The following LCLAT1 variants were observed in gnomAD, a reference collection of about 807,000 sequenced individuals.
The protein encoded by LCLAT1 is lysocardiolipin acyltransferase 1.
Under a neutral mutation model 30.7 loss-of-function variants are expected in LCLAT1, and 11 were observed. The observed-to-expected ratio is 0.36, with a 90% CI of 0.23 to 0.59. The LOEUF (loss-of-function observed/expected upper bound fraction) is 0.59, where lower values mean the gene tolerates loss of function less well. LCLAT1 is among the 20% of genes least tolerant of loss of function. The pLI, the probability that LCLAT1 is intolerant of heterozygous loss-of-function variation, is 0.77. For missense variants in LCLAT1, 402 were observed against 458.6 expected (o/e 0.88, Z 1.13); for synonymous variants, 155 against 151.3 (o/e 1.02, Z -0.18).
intron 5 of LCLAT1, among the ~76,000 whole-genome samples, chr2:30,575,662 T>G (rs1208642750): frequency 6.6e-6 from 1 of 152,168 alleles, no homozygotes; most frequent in Non-Finnish European, 1.5e-5. Flanking sequence ...TTTTCTAGAT[T>G]ATGTATACTA....
At chr2:30,574,921 TGAG>T (rs1665930861) in intron 5 of LCLAT1, among the ~76,000 whole-genome samples, 2 of 152,206 alleles carry the variant, frequency 1.3e-5, no homozygotes, top group Non-Finnish European at 2.9e-5. Flanking sequence ...TAGAAAACAA[TGAG>T]GAGTATGTGT....
At chr2:30,610,693 C>G (rs1255251818) in intron 5 of LCLAT1, among the ~76,000 whole-genome samples, 1 of 152,018 alleles carries the variant, frequency 6.6e-6, no homozygotes, top group East Asian at 1.9e-4. Flanking sequence ...AATGTTGGAG[C>G]TTAGAGTTAG....
chr2:30,525,173 T>C (rs829617), intron 1 of LCLAT1, among the ~76,000 whole-genome samples: 129,273 of 152,012 alleles, frequency 0.85, 55,129 homozygotes, highest in East Asian at 0.94. Context: ...GGTGCGATCT[T>C]GGCTCACTGT....
intron 5 of LCLAT1, among the ~76,000 whole-genome samples, chr2:30,623,300 C>T (rs534091589): frequency 5.9e-5 from 9 of 152,068 alleles, no homozygotes; most frequent in Non-Finnish European, 8.8e-5. Context: ...GTGATCCACC[C>T]GCCTTGGCCT....
chr2:30,510,880 T>C (rs1352912077), intron 1 of LCLAT1, among the ~76,000 whole-genome samples: 1 of 152,180 alleles, frequency 6.6e-6, no homozygotes, highest in East Asian at 1.9e-4. Flanking sequence ...AGCTCTTTTA[T>C]TCTCTGGATA....
intron 1 of LCLAT1, among the ~76,000 whole-genome samples, chr2:30,501,901 T>C (rs1023003613): frequency 9.8e-5 from 15 of 152,372 alleles, no homozygotes; most frequent in African/African-American, 3.6e-4. Context: ...TCAAATTTTA[T>C]ACTTTATGTT....
chr2:30,471,826 C>T (rs951845599), intron 1 of LCLAT1, among the ~76,000 whole-genome samples: 1 of 152,058 alleles, frequency 6.6e-6, no homozygotes, highest in Non-Finnish European at 1.5e-5. Flanking sequence ...TGTGCAGATT[C>T]TTCCTTCTGA....
intron 1 of LCLAT1, among the ~76,000 whole-genome samples, chr2:30,521,478 C>A (rs906042968): frequency 7.4e-6 from 1 of 134,874 alleles, no homozygotes; most frequent in Non-Finnish European, 1.6e-5. Flanking sequence ...CCTCAACCCC[C>A]TAAACTACTT....
intron 1 of LCLAT1, among the ~76,000 whole-genome samples, chr2:30,458,748 G>GA (rs1003322249): frequency 1.3e-5 from 2 of 152,160 alleles, no homozygotes; most frequent in Admixed American, 6.5e-5. Context: ...TGGTCCAAGG[G>GA]AAAACCTTGG....
chr2:30,532,795 A>C (rs1376666130), intron 2 of LCLAT1, among the ~76,000 whole-genome samples: 1 of 152,084 alleles, frequency 6.6e-6, no homozygotes, highest in Non-Finnish European at 1.5e-5. Context: ...ATAATGTTAC[A>C]TATCTATATC....
At chr2:30,618,853 A>T (rs1161378579) in intron 5 of LCLAT1, among the ~76,000 whole-genome samples, 2 of 152,172 alleles carry the variant, frequency 1.3e-5, no homozygotes, top group Admixed American at 1.3e-4. Context: ...TCTCTACATC[A>T]TAGTTTGTGA....
intron 2 of LCLAT1, among the ~76,000 whole-genome samples, chr2:30,526,386 C>T (rs1449892225): frequency 6.6e-6 from 1 of 152,000 alleles, no homozygotes. Context: ...ACCCTTTCTT[C>T]TATCATCTTT....
At chr2:30,454,133 T>C (rs1325004886) in intron 1 of LCLAT1, among the ~76,000 whole-genome samples, 2 of 152,246 alleles carry the variant, frequency 1.3e-5, no homozygotes, top group Non-Finnish European at 2.9e-5. Flanking sequence ...GTCCAAAGTT[T>C]CTGAATATCC....
chr2:30,521,295 G>T (rs748530776), intron 1 of LCLAT1, among the ~76,000 whole-genome samples: 1 of 152,048 alleles, frequency 6.6e-6, no homozygotes, highest in Non-Finnish European at 1.5e-5. Flanking sequence ...GGGCTGCTCT[G>T]TCTGTGGAGT....
intron 1 of LCLAT1, among the ~76,000 whole-genome samples, chr2:30,509,706 C>T (rs1332415212): frequency 6.6e-6 from 1 of 152,106 alleles, no homozygotes; most frequent in East Asian, 1.9e-4. Context: ...GCTGGGACTA[C>T]AGATGCATGC....
chr2:30,567,314 A>T (rs575216304), intron 4 of LCLAT1, among the ~76,000 whole-genome samples: 3 of 152,128 alleles, frequency 2.0e-5, no homozygotes, highest in East Asian at 1.9e-4. Context: ...CTTTGTTATA[A>T]TTTTTTTTAA....
intron 3 of LCLAT1, among the ~76,000 whole-genome samples, chr2:30,538,621 G>A (rs1019373795): frequency 1.5e-4 from 22 of 151,662 alleles, no homozygotes; most frequent in African/African-American, 5.3e-4. Context: ...GGGTGACAGA[G>A]CCAGACTCCA....
chr2:30,534,259 G>A (rs1686129030), intron 3 of LCLAT1, among the ~76,000 whole-genome samples: 1 of 150,076 alleles, frequency 6.7e-6, no homozygotes. Context: ...GTGTGTGTGT[G>A]TGTGTGTGTG....
intron 5 of LCLAT1, among the ~76,000 whole-genome samples, chr2:30,630,299 T>TG (rs890200866): frequency 1.2e-4 from 19 of 152,298 alleles, no homozygotes; most frequent in African/African-American, 4.3e-4. Context: ...ATAGTCACAT[T>TG]GGGGGTTAGG....
Sources: gnomAD v4.1 joint callset for allele counts (sites outside exome capture counted in the v4.1 genomes callset) on GRCh38, gnomAD v4.1.1 for gene constraint, MANE v1.5 for transcripts, NCBI Gene and HGNC (gene_info 2026-07-23, HGNC 2026-07-21) for gene names.